CHRM3: variants seen among roughly 807,000 people sequenced by gnomAD.
The protein encoded by CHRM3 is muscarinic acetylcholine receptor M3.
Under a neutral mutation model 41.8 loss-of-function variants are expected in CHRM3, and 11 were observed. The observed-to-expected ratio is 0.26, with a 90% confidence interval of 0.17 to 0.44. The LOEUF is 0.44. CHRM3 is among the 20% of genes least tolerant of loss of function. The pLI is 1.00. For synonymous variants in CHRM3, 297 were observed against 301.4 expected (o/e 0.99, Z 0.15); for missense variants, 571 against 745.4 (o/e 0.77, Z 2.72).
At chr1:239,622,148 G>T (rs2148818404) in intron 3 of CHRM3, among the ~76,000 whole-genome samples, 1 of 152,198 alleles carries the variant, frequency 6.6e-6, no homozygotes, top group African/African-American at 2.4e-5. Context: ...GCCTACTGTT[G>T]AGAACTACTG....
rs1490186771 is a variant in CHRM3 at position 239,600,383 on chromosome 1, T to A, written c.-312-31841T>A. Among the ~76,000 whole-genome samples the A allele has an allele frequency of 2.0e-5, 3 of 152,162 alleles. No homozygotes were observed. The East Asian group carries it at 5.8e-4, about 30-fold the overall frequency. On this transcript the variant is annotated intron_variant, in intron 3 of 6. Coordinates refer to ENST00000676153, the MANE Select transcript of CHRM3 (RefSeq NM_001375978.1). ...AACTTCAGCCATACTCCATTTCGCC[T>A]GCTTATGCACCTCTCCCAGTGCATG...
intron 5 of CHRM3, among the ~76,000 whole-genome samples, chr1:239,822,722 AATT>A (rs1345442498): frequency 6.6e-6 from 1 of 152,220 alleles, no homozygotes; most frequent in Non-Finnish European, 1.5e-5. Context: ...CAAAGAATAT[AATT>A]AATAAAAGTT....
chr1:239,401,862 GA>G (rs1264142394), intron 1 of CHRM3, among the ~76,000 whole-genome samples: 13 of 152,206 alleles, frequency 8.5e-5, no homozygotes, highest in Non-Finnish European at 5.9e-5. Context: ...CCTGGAATCT[GA>G]AAAGGTTGAA....
rs982361983 is a variant in CHRM3, at chr1:239,517,885, A to T, written c.-422+25078A>T. Among the ~76,000 whole-genome samples, 4 of 152,164 alleles carry T rather than the reference A, an allele frequency of 2.6e-5. No individual in the cohort carries two copies. The East Asian group carries it at 7.7e-4, about 29-fold the overall frequency. On this transcript the variant is annotated intron_variant, in intron 2 of 6. Transcript: ENST00000676153. Reference sequence around the variant, plus strand: ...CACTTTGAGAGGCTGAGGTGGGCAGATCATGAGGTCAGGAGTTTGAGACCA... The same window carrying T: ...CACTTTGAGAGGCTGAGGTGGGCAGTTCATGAGGTCAGGAGTTTGAGACCA...
rs1357706175 is a variant in CHRM3 at position 239,907,035 on chromosome 1, A to T, written c.-19-398A>T. Reference sequence around the variant, plus strand: ...TAAATGCCCAGATAGATAAAATGCAAATCAAGTCAAGTTATCAATTTAGCA... The same window carrying T: ...TAAATGCCCAGATAGATAAAATGCATATCAAGTCAAGTTATCAATTTAGCA... On this transcript the variant is annotated intron_variant, in intron 6 of 6. Transcript: ENST00000676153. This position sits in a 1 kb window ranked among gnomAD's most constrained non-coding sequence, Gnocchi z 5.4. Among the ~76,000 whole-genome samples, 1 of 152,222 alleles carries T rather than the reference A, an allele frequency of 6.6e-6. No individual in the cohort carries two copies. The highest frequency in any genetic ancestry group is 1.5e-5 in the Non-Finnish European group (1 of 68,042).
chr1:239,692,287 TAC>T (rs1395247253), intron 5 of CHRM3, among the ~76,000 whole-genome samples: 1 of 152,164 alleles, frequency 6.6e-6, no homozygotes, highest in Non-Finnish European at 1.5e-5. Context: ...CTATAAAGTT[TAC>T]ATGAACTAAG....
At position 239,432,707 on chromosome 1, in the gene CHRM3, C is replaced by T. The variant is rs572752781; in HGVS notation, c.-521+45480C>T. Among the ~76,000 whole-genome samples the T allele has an allele frequency of 9.7e-4, 148 of 152,242 alleles. No individual in the cohort carries two copies. The Middle Eastern group carries it at 0.037, about 38-fold the overall frequency. On this transcript the variant is annotated intron_variant, in intron 1 of 6. Transcript: ENST00000676153. ...ATCAATTATGGTATCATTTAGTAAA[C>T]TAATTTAAGGAGAAGATTGAGGTTT...
At chr1:239,819,150 T>C (rs1671832359) in intron 5 of CHRM3, among the ~76,000 whole-genome samples, 1 of 152,170 alleles carries the variant, frequency 6.6e-6, no homozygotes, top group East Asian at 1.9e-4. Flanking sequence ...GCCAAGCAGA[T>C]AGATTTGCGC....
At chr1:239,772,311 C>T (rs946329893) in intron 5 of CHRM3, among the ~76,000 whole-genome samples, 12 of 152,134 alleles carry the variant, frequency 7.9e-5, no homozygotes, top group Admixed American at 6.5e-4. Context: ...CCGCCACAAC[C>T]GGATAATTTT....
chr1:239,417,579 G>GGGT (rs1661593238), intron 1 of CHRM3, among the ~76,000 whole-genome samples: 1 of 122,666 alleles, frequency 8.2e-6, no homozygotes, highest in African/African-American at 3.0e-5. Flanking sequence ...AGATTAATTT[G>GGGT]TTTTTTTTTT....
chr1:239,710,461 A>G (rs1014794678), intron 5 of CHRM3, among the ~76,000 whole-genome samples: 1 of 152,038 alleles, frequency 6.6e-6, no homozygotes, highest in African/African-American at 2.4e-5. Context: ...GAGAAATAAC[A>G]TTGTAAATGA....
At chr1:239,455,596 TA>T (rs906143532) in intron 1 of CHRM3, among the ~76,000 whole-genome samples, 8 of 152,080 alleles carry the variant, frequency 5.3e-5, no homozygotes, top group African/African-American at 1.9e-4. Context: ...TTTAAAAAGT[TA>T]AAAAAATGTT....
Position 239,565,262 on chromosome 1 carries a change from G to C in CHRM3, c.-313+19513G>C, listed in dbSNP as rs77418337. On this transcript the variant is annotated intron_variant, in intron 3 of 6. Transcript: ENST00000676153. ...ATTCTAGGGATTAGGATCCTGGATG[G>C]GCCCTAATAATTAGGACCATGATTC... Among the ~76,000 whole-genome samples, 519 of 152,210 alleles carry C rather than the reference G, an allele frequency of 3.4e-3. 32 individuals are homozygous for C. The East Asian group carries it at 0.076, about 22-fold the overall frequency.
At chr1:239,477,325 C>T (rs1279658701) in intron 1 of CHRM3, among the ~76,000 whole-genome samples, 2 of 152,106 alleles carry the variant, frequency 1.3e-5, no homozygotes, top group Admixed American at 6.6e-5. Flanking sequence ...TAGAGAAATG[C>T]CTAGGGAACT....
At chr1:239,861,869 A>G (rs559201199) in intron 6 of CHRM3, among the ~76,000 whole-genome samples, 1 of 152,370 alleles carries the variant, frequency 6.6e-6, no homozygotes, top group African/African-American at 2.4e-5. Flanking sequence ...ACTAAATACC[A>G]TTTAATAGAA....
At chr1:239,412,342 C>G (rs1403005074) in intron 1 of CHRM3, among the ~76,000 whole-genome samples, 2 of 406 alleles carry the variant, frequency 4.9e-3, no homozygotes, top group African/African-American at 9.8e-3. Flanking sequence ...TCCTCCCTCC[C>G]TCCCTCTTTT....
At position 239,828,273 on chromosome 1, in the gene CHRM3, CATAA is replaced by C. The variant is rs1216081383; in HGVS notation, c.-20+899_-20+902del. On this transcript the variant is annotated intron_variant, in intron 6 of 6. Coordinates refer to ENST00000676153, the MANE Select transcript of CHRM3 (RefSeq NM_001375978.1). The stretch of plus-strand genomic sequence containing the variant: ...AGATATACATACACATAGATACATT[CATAA>C]ATACACACATAGACACATGCACATA... Among the ~76,000 whole-genome samples the C allele has an allele frequency of 5.9e-5, 9 of 152,058 alleles. 1 individual carries two copies. The highest frequency in any genetic ancestry group is 5.2e-4 in the Admixed American group (8 of 15,268).
intron 2 of CHRM3, among the ~76,000 whole-genome samples, chr1:239,530,194 T>C (rs760398237): frequency 1.2e-4 from 18 of 152,266 alleles, no homozygotes; most frequent in East Asian, 3.9e-4. Flanking sequence ...TGAGCCACCG[T>C]GCCCGGCCCA....
At chr1:239,436,228 T>G (rs1342554281) in intron 1 of CHRM3, among the ~76,000 whole-genome samples, 3 of 152,156 alleles carry the variant, frequency 2.0e-5, no homozygotes, top group Non-Finnish European at 4.4e-5. Flanking sequence ...TCCAGCAGAT[T>G]GTAAACATAT....
Sources: gnomAD v4.1 joint callset for allele counts (sites outside exome capture counted in the v4.1 genomes callset) on GRCh38, gnomAD v4.1.1 for gene constraint, Gnocchi (gnomAD v3.1) non-coding constraint, MANE v1.5 for transcripts, NCBI Gene and HGNC (gene_info 2026-07-23, HGNC 2026-07-21) for gene names.